The following PCDH9 variants were observed in gnomAD, a reference collection of about 807,000 sequenced individuals.
PCDH9 encodes protocadherin-9.
Under a neutral mutation model 70.6 loss-of-function variants are expected in PCDH9, and 24 were observed. The observed-to-expected ratio is 0.34, with a 90% CI of 0.25 to 0.48. The LOEUF (loss-of-function observed/expected upper bound fraction) is 0.48. Among genes scored for constraint, PCDH9 ranks in the 20% least tolerant of loss-of-function variants. The probability of loss-of-function intolerance (pLI) is 0.99; values close to 1 mark genes in which losing one functional copy is unlikely to be tolerated. For missense variants in PCDH9, 1,281 were observed against 1,503.6 expected (o/e 0.85, Z 2.45); for synonymous variants, 562 against 558.5 (o/e 1.01, Z -0.09).
chr13:66,815,727 A>C (rs1484425260), intron 3 of PCDH9, among the ~76,000 whole-genome samples: 2 of 152,184 alleles, frequency 1.3e-5, no homozygotes, highest in Non-Finnish European at 2.9e-5. Context: ...ATATGGACAC[A>C]AAGAAGAGAA....
intron 4 of PCDH9, among the ~76,000 whole-genome samples, chr13:66,456,521 A>C (rs1226331917): frequency 6.6e-6 from 1 of 151,976 alleles, no homozygotes; most frequent in African/African-American, 2.4e-5. Flanking sequence ...TCAACCCCTA[A>C]ATTGCAGGGA....
rs555617280 is a variant in PCDH9 at position 66,832,219 on chromosome 13, C to A, written c.3138+71285G>T. Reference sequence around the variant, plus strand: ...TAAAAATTGCATAGTTTGTTTTCAACAGAACTGGAATTTATAATAAATGTA... The same window carrying A: ...TAAAAATTGCATAGTTTGTTTTCAAAAGAACTGGAATTTATAATAAATGTA... On this transcript the variant is annotated intron_variant, in intron 3 of 4. Transcript: ENST00000377865. Among the ~76,000 whole-genome samples, 230 of 152,034 alleles carry A rather than the reference C, an allele frequency of 1.5e-3. 2 individuals carry two copies. The highest frequency in any genetic ancestry group is 4.8e-3 in the African/African-American group (201 of 41,504).
chr13:66,797,074 T>C (rs1349158299), intron 3 of PCDH9, among the ~76,000 whole-genome samples: 1 of 152,076 alleles, frequency 6.6e-6, no homozygotes, highest in Non-Finnish European at 1.5e-5. Context: ...GAGAAAGAGT[T>C]AGGGAAGTGG....
intron 2 of PCDH9, among the ~76,000 whole-genome samples, chr13:67,135,909 T>A (rs1244789680): frequency 1.3e-5 from 2 of 152,060 alleles, no homozygotes; most frequent in Middle Eastern, 3.2e-3. Flanking sequence ...TACAATAACA[T>A]ATCCTGTTCC....
intron 3 of PCDH9, among the ~76,000 whole-genome samples, chr13:66,647,670 G>A (rs1041320760): frequency 2.0e-5 from 3 of 152,076 alleles, no homozygotes; most frequent in African/African-American, 7.2e-5. Flanking sequence ...TTGAGAAGGT[G>A]GGAGAGAAGA....
At chr13:66,804,246 A>C (rs900362907) in intron 3 of PCDH9, among the ~76,000 whole-genome samples, 3 of 152,190 alleles carry the variant, frequency 2.0e-5, no homozygotes, top group African/African-American at 7.2e-5. Context: ...CTGTAAACTC[A>C]TCCCTGGGTT....
At chr13:66,845,897 T>C (rs981617219) in intron 3 of PCDH9, among the ~76,000 whole-genome samples, 2 of 152,170 alleles carry the variant, frequency 1.3e-5, no homozygotes, top group Admixed American at 1.3e-4. Flanking sequence ...ACAACATGCA[T>C]AAATATACTT....
chr13:66,622,026 G>A (rs1047319036), intron 4 of PCDH9, among the ~76,000 whole-genome samples: 1 of 152,226 alleles, frequency 6.6e-6, no homozygotes, highest in African/African-American at 2.4e-5. Context: ...TGGGCTTGGT[G>A]GGCCCCGCAC....
In PCDH9 at chr13:66,479,610, C is replaced by T. The variant is rs1186896619; in HGVS notation, c.3340+151600G>A. ...ATCTAGCTAGAGGATTGTAAATGCACCAATCAGCACTCTGTGTCTAGCTAA... is the reference window on the plus strand; with the variant it reads ...ATCTAGCTAGAGGATTGTAAATGCATCAATCAGCACTCTGTGTCTAGCTAA... On this transcript the variant is annotated intron_variant, in intron 4 of 4. Coordinates refer to ENST00000377865, the MANE Select transcript of PCDH9 (RefSeq NM_203487.3). Among the ~76,000 whole-genome samples, 3 of 150,350 alleles carry T rather than the reference C, an allele frequency of 2.0e-5. No homozygotes were observed. In the Admixed American group the frequency reaches 2.0e-4, roughly 10 times the overall value.
chr13:66,758,933 A>G lies in PCDH9; in HGVS notation c.3139-127522T>C, dbSNP rs117483836. On this transcript the variant is annotated intron_variant, in intron 3 of 4. Transcript: ENST00000377865. ...AGGTAATTGTTCATAATAATCTCTT[A>G]CAAAACTTTGTGTATTTCTGTGGCA... Among the ~76,000 whole-genome samples the G allele has an allele frequency of 3.3e-3, 495 of 152,110 alleles. 9 individuals are homozygous for G. The East Asian group carries it at 0.075, about 23-fold the overall frequency.
intron 2 of PCDH9, among the ~76,000 whole-genome samples, chr13:66,930,260 T>C (rs2082785550): frequency 6.6e-6 from 1 of 152,172 alleles, no homozygotes; most frequent in South Asian, 2.1e-4. Context: ...TTTTGTGTAA[T>C]TTTTACAAAA....
At chr13:67,035,185 T>C (rs185117145) in intron 2 of PCDH9, among the ~76,000 whole-genome samples, 2 of 152,212 alleles carry the variant, frequency 1.3e-5, no homozygotes, top group East Asian at 3.9e-4. Context: ...CACCACAGAA[T>C]ACAGTGAAAG....
chr13:67,039,072 G>T (rs995258386), intron 2 of PCDH9, among the ~76,000 whole-genome samples: 1 of 152,160 alleles, frequency 6.6e-6, no homozygotes. Flanking sequence ...AGATGATGGG[G>T]TTCACGGAAC....
chr13:66,497,591 T>C (rs1959136228), intron 4 of PCDH9, among the ~76,000 whole-genome samples: 1 of 152,082 alleles, frequency 6.6e-6, no homozygotes, highest in Non-Finnish European at 1.5e-5. Flanking sequence ...TTGAGAAGGA[T>C]GTTAGAGATC....
intron 2 of PCDH9, among the ~76,000 whole-genome samples, chr13:67,061,711 G>A (rs1228891545): frequency 2.6e-5 from 4 of 151,986 alleles, no homozygotes; most frequent in Non-Finnish European, 5.9e-5. Flanking sequence ...AAAGAAAGGT[G>A]CGTTTTAAAA....
chr13:66,363,491 A>G (rs1253721142), intron 4 of PCDH9, among the ~76,000 whole-genome samples: 1 of 152,204 alleles, frequency 6.6e-6, no homozygotes, highest in Non-Finnish European at 1.5e-5. Context: ...AAGAAAATTT[A>G]TAAAATAGAA....
rs144479249 is a variant in PCDH9 at position 66,591,948 on chromosome 13, C to T, written c.3340+39262G>A. Among the ~76,000 whole-genome samples the T allele has an allele frequency of 9.3e-4, 141 of 151,574 alleles. 1 individual carries two copies. The highest frequency in any genetic ancestry group is 3.3e-3 in the African/African-American group (136 of 41,426). On this transcript the variant is annotated intron_variant, in intron 4 of 4. Transcript: ENST00000377865. ...ATTAATCTTGATAGAAAAGTATCCACTGAAAATATGACAAGAAAGAAAGAA... is the reference window on the plus strand; with the variant it reads ...ATTAATCTTGATAGAAAAGTATCCATTGAAAATATGACAAGAAAGAAAGAA...
At chr13:67,009,245 G>C (rs1312342197) in intron 2 of PCDH9, among the ~76,000 whole-genome samples, 1 of 151,930 alleles carries the variant, frequency 6.6e-6, no homozygotes, top group African/African-American at 2.4e-5. Context: ...TCTGATGATG[G>C]GACTGTACAT....
At chr13:66,450,333 T>C (rs1166659932) in intron 4 of PCDH9, among the ~76,000 whole-genome samples, 1 of 152,172 alleles carries the variant, frequency 6.6e-6, no homozygotes, top group Non-Finnish European at 1.5e-5. Context: ...TCTATGCCAT[T>C]GAGAACCTTT....
Sources: allele counts gnomAD v4.1 joint callset (sites outside exome capture counted in the v4.1 genomes callset), GRCh38; gene constraint gnomAD v4.1.1; transcripts MANE v1.5; gene names NCBI Gene and HGNC (gene_info 2026-07-23, HGNC 2026-07-21).